Variants in CDH12 observed in about 807,000 individuals in gnomAD.
CDH12 encodes the protein cadherin 12.
Under a neutral mutation model 74.1 loss-of-function variants are expected in CDH12, and 41 were observed. That is an observed-to-expected ratio of 0.55 (90% CI 0.43 to 0.72). The LOEUF (loss-of-function observed/expected upper bound fraction) is 0.72, where lower values mean the gene tolerates loss of function less well. Ranked by LOEUF, CDH12 falls within the 30% of genes least tolerant of loss-of-function variation. CDH12 has a pLI of 0.00. For missense variants in CDH12, 945 were observed against 977.2 expected (o/e 0.97, Z 0.44); for synonymous variants, 399 against 355.0 (o/e 1.12, Z -1.39).
intron 1 of CDH12, among the ~76,000 whole-genome samples, chr5:22,525,567 T>C (rs1737233220): frequency 6.6e-6 from 1 of 151,786 alleles, no homozygotes; most frequent in African/African-American, 2.4e-5. Flanking sequence ...TGGAATGCAT[T>C]AAAGATGTCC....
chr5:22,261,845 A>G (rs562810370), intron 3 of CDH12, among the ~76,000 whole-genome samples: 1 of 151,912 alleles, frequency 6.6e-6, no homozygotes, highest in South Asian at 2.1e-4. Flanking sequence ...AACATATGTG[A>G]GCATATAATA....
chr5:21,982,275 T>C lies in CDH12; in HGVS notation c.232-6890A>G, dbSNP rs997372092. ...GACACTGGAATTTTTTTTCTGCCTT[T>C]TGACTTCAATTAAAACATTGGCTTT... is the stretch of plus-strand genomic sequence containing the variant. On this transcript the variant is annotated intron_variant, in intron 5 of 14. Coordinates refer to ENST00000382254, the MANE Select transcript of CDH12 (RefSeq NM_004061.5). Among the ~76,000 whole-genome samples, 55 of 152,176 alleles carry C rather than the reference T, an allele frequency of 3.6e-4. 1 individual carries two copies. Among genetic ancestry groups the C allele is most frequent in the African/African-American group, 1.2e-3 (51 of 41,534 alleles).
intron 4 of CDH12, among the ~76,000 whole-genome samples, chr5:22,163,877 A>G (rs1748507797): frequency 6.6e-6 from 1 of 152,168 alleles, no homozygotes; most frequent in African/African-American, 2.4e-5. Flanking sequence ...CAGGTAATAG[A>G]TGAGACTTCT....
intron 3 of CDH12, among the ~76,000 whole-genome samples, chr5:22,307,431 C>T (rs1738161376): frequency 6.6e-6 from 1 of 152,114 alleles, no homozygotes; most frequent in East Asian, 1.9e-4. Flanking sequence ...TCTGTAAAGG[C>T]CAGTGGAGTA....
At chr5:22,224,749 G>A (rs546965844) in intron 3 of CDH12, among the ~76,000 whole-genome samples, 55 of 144,278 alleles carry the variant, frequency 3.8e-4, no homozygotes, top group Non-Finnish European at 6.8e-4. Context: ...GTGATTAGTT[G>A]AATAGTACAT....
rs944002911 is a variant in CDH12 at position 22,357,451 on chromosome 5, A to T, written c.-333+47806T>A. Among the ~76,000 whole-genome samples, 12 of 151,166 alleles carry T rather than the reference A, an allele frequency of 7.9e-5. No homozygotes were observed. The East Asian group carries it at 2.1e-3, about 27-fold the overall frequency. ...AAATGGAAGATAAAAATTAATCCAT[A>T]AAAAAAACCATCATGATTTGTAAAA... On this transcript the variant is annotated intron_variant, in intron 3 of 14. Coordinates refer to ENST00000382254, the MANE Select transcript of CDH12 (RefSeq NM_004061.5).
intron 3 of CDH12, among the ~76,000 whole-genome samples, chr5:22,400,664 A>C (rs1397544761): frequency 6.6e-6 from 1 of 152,044 alleles, no homozygotes; most frequent in East Asian, 1.9e-4. Context: ...ATTTTATTTG[A>C]TATCATTAGA....
intron 3 of CDH12, among the ~76,000 whole-genome samples, chr5:22,271,818 C>A (rs1204706228): frequency 6.6e-6 from 1 of 151,508 alleles, no homozygotes; most frequent in East Asian, 1.9e-4. Context: ...CAGTGGGTCT[C>A]AACAGTGAGT....
intron 1 of CDH12, among the ~76,000 whole-genome samples, chr5:22,712,911 C>T (rs1388513050): frequency 6.6e-6 from 1 of 152,000 alleles, no homozygotes; most frequent in Non-Finnish European, 1.5e-5. Flanking sequence ...AGTTTGACAC[C>T]TCCTATACAA....
In CDH12 at chr5:21,832,833, T is replaced by C. The variant is rs544169215; in HGVS notation, c.814+9328A>G. Reference sequence around the variant, plus strand: ...ATATAATATATGATATATATTATAATAATATAAATCATATGATATATGATA... The same window carrying C: ...ATATAATATATGATATATATTATAACAATATAAATCATATGATATATGATA... On this transcript the variant is annotated intron_variant, in intron 8 of 14. Transcript: ENST00000382254. Among the ~76,000 whole-genome samples the C allele has an allele frequency of 2.9e-3, 331 of 113,244 alleles. 1 individual carries two copies. Among genetic ancestry groups the C allele is most frequent in the African/African-American group, 0.01 (309 of 30,756 alleles). 74.3% of individuals were successfully genotyped at this position (113,244 alleles called of 152,430 possible). A position where few individuals can be genotyped will look rare whatever the true frequency, so the allele number is the denominator to read the frequency against.
chr5:21,942,609 T>C (rs1028599807), intron 6 of CDH12, among the ~76,000 whole-genome samples: 1 of 151,948 alleles, frequency 6.6e-6, no homozygotes, highest in Admixed American at 6.6e-5. Context: ...TATATACACA[T>C]GCAGAAATGT....
At chr5:22,174,093 A>G (rs1749199910) in intron 4 of CDH12, among the ~76,000 whole-genome samples, 1 of 152,034 alleles carries the variant, frequency 6.6e-6, no homozygotes, top group Non-Finnish European at 1.5e-5. Flanking sequence ...ATTTGAAGTA[A>G]GTAGATCAAT....
At chr5:22,242,734 G>A (rs563277268) in intron 3 of CDH12, among the ~76,000 whole-genome samples, 5 of 152,110 alleles carry the variant, frequency 3.3e-5, no homozygotes, top group African/African-American at 9.6e-5. Flanking sequence ...CTGGCCTCCC[G>A]CTCCTCTTGG....
At chr5:22,343,327 G>GACACAC (rs1217219418) in intron 3 of CDH12, among the ~76,000 whole-genome samples, 7 of 112,518 alleles carry the variant, frequency 6.2e-5, no homozygotes, top group South Asian at 3.3e-4. Context: ...CACACACAGA[G>GACACAC]AGAGAGAGAG....
At chr5:22,117,530 AT>A (rs1394299414) in intron 4 of CDH12, among the ~76,000 whole-genome samples, 3 of 106,132 alleles carry the variant, frequency 2.8e-5, no homozygotes, top group African/African-American at 3.8e-5. Flanking sequence ...TATAATATAT[AT>A]ATATATATAT....
intron 2 of CDH12, among the ~76,000 whole-genome samples, chr5:22,420,715 A>G (rs1474579147): frequency 1.3e-5 from 2 of 152,172 alleles, no homozygotes; most frequent in Non-Finnish European, 2.9e-5. Flanking sequence ...GTAGTTTTTT[A>G]TAAGTCTGTG....
intron 2 of CDH12, among the ~76,000 whole-genome samples, chr5:22,446,224 T>A (rs1323481084): frequency 6.6e-6 from 1 of 152,078 alleles, no homozygotes; most frequent in African/African-American, 2.4e-5. Flanking sequence ...CCAAAGCTGC[T>A]CTCTCTAGGT....
chr5:22,649,229 A>G (rs373453444), intron 1 of CDH12, among the ~76,000 whole-genome samples: 19 of 152,128 alleles, frequency 1.2e-4, no homozygotes, highest in African/African-American at 4.3e-4. Flanking sequence ...TGTGAATACA[A>G]TATTTCCATT....
chr5:22,513,813 T>A (rs1297813459), intron 1 of CDH12, among the ~76,000 whole-genome samples: 1 of 151,844 alleles, frequency 6.6e-6, no homozygotes, highest in East Asian at 1.9e-4. Flanking sequence ...CTGGGCTTGG[T>A]GGTGGGTGCC....
Sources: allele counts gnomAD v4.1 joint callset (sites outside exome capture counted in the v4.1 genomes callset), GRCh38; gene constraint gnomAD v4.1.1; transcripts MANE v1.5; gene names NCBI Gene and HGNC (gene_info 2026-07-23, HGNC 2026-07-21).